OR14A2: variants seen among roughly 807,000 people sequenced by gnomAD.
OR14A2 encodes the protein olfactory receptor family 14 subfamily A member 2, also known as olfactory receptor 14A2.
For synonymous variants in OR14A2, 114 were observed against 58.6 expected, an observed-to-expected ratio of 1.95 and a Z score of -4.32; for missense variants, 237 against 152.9, an observed-to-expected ratio of 1.55 and a Z score of -2.90.
the OR14A2 span, among the ~76,000 whole-genome samples, chr1:247,743,757 TG>T: frequency 2.0e-5 from 3 of 152,178 alleles, no homozygotes; most frequent in Non-Finnish European, 2.9e-5. Context: ...AGTGTCTTTT[TG>T]TACCTTAGAG....
chr1:247,727,084 C>G, upstream of OR14A2, among the ~76,000 whole-genome samples: 1 of 150,714 alleles, frequency 6.6e-6, no homozygotes, highest in South Asian at 2.1e-4. Context: ...TCATTGGTAG[C>G]TTGATGGGGA....
chr1:247,739,438 T>C, the OR14A2 span: 1 of 780,704 alleles, frequency 1.3e-6, no homozygotes, highest in Admixed American at 1.7e-5. Flanking sequence ...GTGTCTGTGT[T>C]CTATTCTGTC....
the OR14A2 span, chr1:247,738,705 C>G: frequency 1.3e-6 from 1 of 780,828 alleles, no homozygotes; most frequent in East Asian, 2.4e-5. Flanking sequence ...GCTCTTCTCA[C>G]TGATCTACCT....
the OR14A2 span, among the ~76,000 whole-genome samples, chr1:247,737,243 T>C: frequency 1.3e-5 from 2 of 152,204 alleles, no homozygotes; most frequent in Non-Finnish European, 2.9e-5. Context: ...TGTGTGTGTG[T>C]GCATATGTGT....
the OR14A2 span, chr1:247,739,093 G>A: frequency 1.3e-6 from 1 of 780,830 alleles, no homozygotes; most frequent in Non-Finnish European, 2.4e-6. Flanking sequence ...TACACAGCTG[G>A]AACATTCTCT....
chr1:247,728,316 C>T (rs1461243191), upstream of OR14A2, among the ~76,000 whole-genome samples: 1 of 152,022 alleles, frequency 6.6e-6, no homozygotes, highest in Non-Finnish European at 1.5e-5. Flanking sequence ...GAGCCAAAGA[C>T]AAAAACCACA....
upstream of OR14A2, among the ~76,000 whole-genome samples, chr1:247,726,932 G>C (rs1451737526): frequency 5.7e-4 from 82 of 143,274 alleles, no homozygotes; most frequent in South Asian, 0.017. Context: ...TTTGGTTACT[G>C]TAGCCTTGTA....
upstream of OR14A2, among the ~76,000 whole-genome samples, chr1:247,726,609 T>C (rs1232592532): frequency 2.2e-5 from 3 of 137,726 alleles, no homozygotes; most frequent in African/African-American, 5.7e-5. Context: ...TCCTTGCCCA[T>C]GCCTATGTCC....
the OR14A2 span, among the ~76,000 whole-genome samples, chr1:247,738,217 T>C: frequency 6.6e-6 from 1 of 152,190 alleles, no homozygotes; most frequent in Non-Finnish European, 1.5e-5. Context: ...ATTCACAACA[T>C]TTAATACACA....
the OR14A2 span, among the ~76,000 whole-genome samples, chr1:247,740,746 C>G: frequency 6.6e-6 from 1 of 152,176 alleles, no homozygotes; most frequent in Non-Finnish European, 1.5e-5. Context: ...CCCTATTTGT[C>G]CTCTTGCTGC....
the OR14A2 span, chr1:247,739,083 T>C: frequency 5.1e-6 from 4 of 780,760 alleles, no homozygotes; most frequent in African/African-American, 6.8e-5. Context: ...GGGACTCTTG[T>C]ACACAGCTGG....
exon 1 of OR14A2, chr1:247,723,192 G>C (rs374422919): frequency 1.4e-6 from 1 of 717,654 alleles, no homozygotes; most frequent in Non-Finnish European, 2.6e-6. Context: ...AGGTTACAGG[G>C]TTAAATACTG....
the OR14A2 span, among the ~76,000 whole-genome samples, chr1:247,743,148 A>G: frequency 6.6e-6 from 1 of 152,186 alleles, no homozygotes; most frequent in Non-Finnish European, 1.5e-5. Context: ...TTCCAGTGAA[A>G]GTTTAATGTT....
At position 247,723,504 on chromosome 1, in the gene OR14A2, AG is replaced by A. The variant is rs1294358761; in HGVS notation, c.539del (p.Pro180LeufsTer4). The A allele has an allele frequency of 2.8e-6, 2 of 717,902 alleles. No homozygotes were observed. Among genetic ancestry groups the A allele is most frequent in the Admixed American group, 4.0e-5 (2 of 50,024 alleles). The allele number at this position is 717,902 out of a possible 1,614,324, so 44.5% of individuals were successfully genotyped here. Reference sequence around the variant, plus strand: ...CAGAACAGGAAATCCTTAGTAATGAAGGAACATCACAGAAAAACTGTGGAAT... The same window carrying A: ...CAGAACAGGAAATCCTTAGTAATGAAGAACATCACAGAAAAACTGTGGAAT... On this transcript the variant is annotated frameshift_variant, in exon 1 of 1. Coordinates refer to ENST00000366485, the Ensembl canonical transcript of OR14A2. LOFTEE classifies it low-confidence loss of function (END_TRUNC).
chr1:247,743,551 G>A, the OR14A2 span, among the ~76,000 whole-genome samples: 1 of 152,146 alleles, frequency 6.6e-6, no homozygotes, highest in African/African-American at 2.4e-5. Flanking sequence ...AGGCATTCTG[G>A]TGGTCTGCAG....
At chr1:247,743,770 C>CT in the OR14A2 span, among the ~76,000 whole-genome samples, 1 of 151,996 alleles carries the variant, frequency 6.6e-6, no homozygotes, top group Admixed American at 6.6e-5. Context: ...ACCTTAGAGT[C>CT]TATCTTTTTA....
At chr1:247,725,055 G>A (rs1239110369), upstream of OR14A2, among the ~76,000 whole-genome samples, 4 of 151,800 alleles carry the variant, frequency 2.6e-5, no homozygotes, top group Non-Finnish European at 5.9e-5. Context: ...GGAGCTTTGT[G>A]TTGATGGGAG....
the OR14A2 span, among the ~76,000 whole-genome samples, chr1:247,733,216 T>C: frequency 1.3e-5 from 2 of 152,130 alleles, no homozygotes; most frequent in Admixed American, 1.3e-4. Context: ...TTCACCTGTC[T>C]CTCTAGATTT....
the OR14A2 span, among the ~76,000 whole-genome samples, chr1:247,737,215 C>G: frequency 6.6e-6 from 1 of 152,078 alleles, no homozygotes; most frequent in Non-Finnish European, 1.5e-5. Flanking sequence ...TCTGTTTATT[C>G]TTGCTCATCC....
Sources: allele counts gnomAD v4.1 joint callset (sites outside exome capture counted in the v4.1 genomes callset), GRCh38; gene constraint gnomAD v4.1.1; transcripts MANE v1.5; gene names NCBI Gene and HGNC (gene_info 2026-07-23, HGNC 2026-07-21).